Variants in LRBA observed in about 807,000 individuals in gnomAD.
LRBA encodes the protein LPS responsive beige-like anchor protein.
In LRBA, 176 loss-of-function variants were observed where a neutral mutation model predicts 330.0. The observed-to-expected ratio is 0.53, with a 90% CI of 0.47 to 0.60. The LOEUF (loss-of-function observed/expected upper bound fraction) is 0.60. LRBA is among the 20% of genes least tolerant of loss of function. The pLI is 0.00. For missense variants in LRBA, 3,259 were observed against 3,444.8 expected (o/e 0.95, Z 1.35); for synonymous variants, 1,230 against 1,193.0 (o/e 1.03, Z -0.64).
intron 48 of LRBA, among the ~76,000 whole-genome samples, chr4:150,348,352 TA>T (rs1312193479): frequency 6.6e-6 from 1 of 152,218 alleles, no homozygotes; most frequent in African/African-American, 2.4e-5. Context: ...TAGAGCTACT[TA>T]TGTCATCTTG....
At position 150,324,084 on chromosome 4, in the gene LRBA, C is replaced by T. The variant is rs74935687; in HGVS notation, c.7452+1725G>A. Among the ~76,000 whole-genome samples the T allele has an allele frequency of 5.0e-3, 757 of 152,262 alleles. 6 individuals are homozygous for T. Among genetic ancestry groups the T allele is most frequent in the African/African-American group, 0.017 (725 of 41,544 alleles). Reference sequence around the variant, plus strand: ...CAGAGGATAAAGGTAATGGAAAAGACGGCCTCCCATCCTTATATGAGCATG... The same window carrying T: ...CAGAGGATAAAGGTAATGGAAAAGATGGCCTCCCATCCTTATATGAGCATG... On this transcript the variant is annotated intron_variant, in intron 49 of 56. Coordinates refer to ENST00000651943, the MANE Select transcript of LRBA (RefSeq NM_001364905.1).
At chr4:150,836,428 T>C (rs1008221416) in intron 28 of LRBA, among the ~76,000 whole-genome samples, 3 of 152,316 alleles carry the variant, frequency 2.0e-5, no homozygotes, top group African/African-American at 7.2e-5. Context: ...ATCCATCTGG[T>C]CCTGGACTTT....
At position 150,691,251 on chromosome 4, in the gene LRBA, AC is replaced by A. The variant is rs1160264622; in HGVS notation, c.5755-7535del. Among the ~76,000 whole-genome samples the A allele has an allele frequency of 3.3e-5, 5 of 152,214 alleles. No homozygotes were observed. The East Asian group carries it at 9.6e-4, about 29-fold the overall frequency. On this transcript the variant is annotated intron_variant, in intron 36 of 56. Transcript: ENST00000651943. Reference sequence around the variant, plus strand: ...GGCCCAACACCTGCTCTTTAAAAGAACCATTTATAAAATAAAAGGTAAGCCA... The same window carrying A: ...GGCCCAACACCTGCTCTTTAAAAGAACATTTATAAAATAAAAGGTAAGCCA...
rs995893243 is a variant in LRBA at position 150,836,671 on chromosome 4, C to T, written c.4570-4695G>A. On this transcript the variant is annotated intron_variant, in intron 28 of 56. Transcript: ENST00000651943. ...CTTTATCATTTTATATTGAGTCATTCGATTCTTCTCTCTTTTCTTCTTTAT... is the reference window on the plus strand; with the variant it reads ...CTTTATCATTTTATATTGAGTCATTTGATTCTTCTCTCTTTTCTTCTTTAT... 5.9e-5 allele frequency among the ~76,000 whole-genome samples: 9 copies of T among 151,974 alleles called. No individual in the cohort carries two copies. In the South Asian group the frequency reaches 1.0e-3, roughly 18 times the overall value.
intron 44 of LRBA, among the ~76,000 whole-genome samples, chr4:150,442,741 T>C (rs1172272316): frequency 1.3e-5 from 2 of 152,194 alleles, no homozygotes; most frequent in Non-Finnish European, 2.9e-5. Flanking sequence ...TGTTCTTCTA[T>C]GCTATAAAAA....
At position 150,688,948 on chromosome 4, in the gene LRBA, C is replaced by T. The variant is rs190148834; in HGVS notation, c.5755-5231G>A. On this transcript the variant is annotated intron_variant, in intron 36 of 56. Coordinates refer to ENST00000651943, the MANE Select transcript of LRBA (RefSeq NM_001364905.1). Reference sequence around the variant, plus strand: ...TAGAAATACCATTTGACCCAGCAATCCCATTACTGGGTATACACCCAAAGG... The same window carrying T: ...TAGAAATACCATTTGACCCAGCAATTCCATTACTGGGTATACACCCAAAGG... Among the ~76,000 whole-genome samples the T allele has an allele frequency of 4.2e-3, 645 of 152,292 alleles. 4 individuals carry two copies. The highest frequency in any genetic ancestry group is 0.015 in the African/African-American group (624 of 41,552).
At chr4:150,731,790 G>A (rs976705785) in intron 36 of LRBA, among the ~76,000 whole-genome samples, 1 of 152,082 alleles carries the variant, frequency 6.6e-6, no homozygotes, top group African/African-American at 2.4e-5. Context: ...AGCACAACAG[G>A]AGACAATAGT....
At chr4:150,966,365 T>C (rs535245212) in intron 2 of LRBA, among the ~76,000 whole-genome samples, 39 of 151,712 alleles carry the variant, frequency 2.6e-4, no homozygotes, top group South Asian at 1.2e-3. Context: ...TGGAGTGCAG[T>C]GGCATGATCT....
intron 35 of LRBA, among the ~76,000 whole-genome samples, chr4:150,754,305 A>G (rs952476262): frequency 6.8e-6 from 1 of 146,018 alleles, no homozygotes; most frequent in Admixed American, 6.7e-5. Context: ...GAAAATTCTA[A>G]TCTTCTTTGA....
chr4:150,844,973 T>C (rs1397418580), intron 26 of LRBA, among the ~76,000 whole-genome samples, 194 bp from the exon 27 acceptor site: 1 of 152,204 alleles, frequency 6.6e-6, no homozygotes, highest in Non-Finnish European at 1.5e-5. Flanking sequence ...TTCCATGCTG[T>C]GGCCCAGTTA....
At chr4:150,698,836 C>A (rs1351341654) in intron 36 of LRBA, among the ~76,000 whole-genome samples, 1 of 152,038 alleles carries the variant, frequency 6.6e-6, no homozygotes, top group Admixed American at 6.6e-5. Flanking sequence ...AATATTGAGG[C>A]CTTTCTTTTA....
chr4:150,441,486 A>G (rs1400388450), intron 44 of LRBA, among the ~76,000 whole-genome samples: 1 of 152,246 alleles, frequency 6.6e-6, no homozygotes, highest in African/African-American at 2.4e-5. Flanking sequence ...GACTCCTTTA[A>G]AAGCACATAA....
chr4:150,828,382 C>G lies in LRBA; in HGVS notation c.4969G>C (p.Asp1657His), dbSNP rs1229619071. The G allele has an allele frequency of 1.2e-6, 2 of 1,614,092 alleles. No homozygotes were observed. Among genetic ancestry groups the G allele is most frequent in the Non-Finnish European group, 1.7e-6 (2 of 1,180,000 alleles). ...TTAGTGTCCAAGTCATTTCCTCTAT[C>G]ATTTTTGGTTTCCGGAGACTTATTG... is the stretch of plus-strand genomic sequence containing the variant. ...EVNKSPETKNDRGNDLDTKAT... is the reference protein window; with the variant it reads ...EVNKSPETKNHRGNDLDTKAT... Residue 1657 changes from aspartate to histidine, a missense_variant, in exon 30 of 57, where the codon GAT becomes CAT. Asp to His is a moderately conservative substitution (Grantham distance 81, BLOSUM62 -1). Coordinates refer to ENST00000651943, the MANE Select transcript of LRBA (RefSeq NM_001364905.1).
intron 41 of LRBA, 120 bp downstream of exon 41, chr4:150,490,798 C>G: frequency 2.0e-6 from 1 of 502,254 alleles, no homozygotes; most frequent in Non-Finnish European, 3.6e-6. Context: ...AAAGAGGTCA[C>G]TAGAACAGAA....
At chr4:150,744,520 T>C (rs1582217469) in intron 35 of LRBA, among the ~76,000 whole-genome samples, 1 of 152,100 alleles carries the variant, frequency 6.6e-6, no homozygotes, top group African/African-American at 2.4e-5. Context: ...ATATACATTA[T>C]AACTGAATAA....
chr4:150,494,360 T>C (rs1759313844), intron 40 of LRBA, among the ~76,000 whole-genome samples: 1 of 152,216 alleles, frequency 6.6e-6, no homozygotes, highest in African/African-American at 2.4e-5. Flanking sequence ...TTAAGCTCTT[T>C]GATATGTTAG....
chr4:150,278,143 G>T (rs555974883), intron 55 of LRBA, 139 bp from the exon 56 acceptor site: 22 of 683,880 alleles, frequency 3.2e-5, no homozygotes, highest in Admixed American at 3.0e-4. Flanking sequence ...TTAGAAAATC[G>T]TGAGTTGTAG....
At chr4:150,385,352 C>T (rs541661170) in intron 47 of LRBA, among the ~76,000 whole-genome samples, 3 of 151,880 alleles carry the variant, frequency 2.0e-5, no homozygotes, top group African/African-American at 2.4e-5. Flanking sequence ...CATAAAGGGG[C>T]GAATAGACCA....
chr4:150,514,342 G>A (rs1171508687), intron 40 of LRBA, among the ~76,000 whole-genome samples: 2 of 151,902 alleles, frequency 1.3e-5, no homozygotes, highest in South Asian at 2.1e-4. Flanking sequence ...TAAGTGTTGG[G>A]ATTACAGGTG....
Sources: allele counts gnomAD v4.1 joint callset (sites outside exome capture counted in the v4.1 genomes callset), GRCh38; gene constraint gnomAD v4.1.1; transcripts MANE v1.5; gene names NCBI Gene and HGNC (gene_info 2026-07-23, HGNC 2026-07-21).